The following ARHGEF3 variants were observed in gnomAD, a reference collection of about 807,000 sequenced individuals.
ARHGEF3 encodes the protein Rho guanine nucleotide exchange factor 3, also known as 59.8 kDA protein.
Under a neutral mutation model 63.2 loss-of-function variants are expected in ARHGEF3, and 28 were observed. That is an observed-to-expected ratio of 0.44 (90% confidence interval 0.33 to 0.61). The LOEUF (loss-of-function observed/expected upper bound fraction) is 0.61, where lower values mean the gene tolerates loss of function less well. Among genes scored for constraint, ARHGEF3 ranks in the 20% least tolerant of loss-of-function variants. The pLI is 0.03. For missense variants in ARHGEF3, 533 were observed against 659.3 expected (o/e 0.81, Z 2.10); for synonymous variants, 266 against 254.2 (o/e 1.05, Z -0.44).
At chr3:56,845,313 T>C (rs2039451694) in intron 4 of ARHGEF3, among the ~76,000 whole-genome samples, 1 of 152,234 alleles carries the variant, frequency 6.6e-6, no homozygotes, top group Non-Finnish European at 1.5e-5. Context: ...AATAAATGTG[T>C]GTTGTTTTAA....
chr3:56,973,261 C>T (rs993500883), intron 2 of ARHGEF3, among the ~76,000 whole-genome samples: 27 of 152,262 alleles, frequency 1.8e-4, no homozygotes, highest in African/African-American at 5.8e-4. Flanking sequence ...TCGTGATCCG[C>T]GCGCCTCGGC....
chr3:56,780,129 C>T (rs60584636), intron 1 of ARHGEF3, among the ~76,000 whole-genome samples: 7 of 151,820 alleles, frequency 4.6e-5, no homozygotes, highest in African/African-American at 1.4e-4. Flanking sequence ...CTGGACTATA[C>T]ACCTCTGCTT....
intron 1 of ARHGEF3, among the ~76,000 whole-genome samples, chr3:57,061,471 CT>C (rs1009709698): frequency 6.6e-6 from 1 of 152,158 alleles, no homozygotes; most frequent in Non-Finnish European, 1.5e-5. Flanking sequence ...CCAGAAATTC[CT>C]TCCTTTTTAA....
intron 3 of ARHGEF3, among the ~76,000 whole-genome samples, chr3:56,927,908 G>A (rs1371262528): frequency 6.6e-6 from 1 of 152,150 alleles, no homozygotes; most frequent in Admixed American, 6.5e-5. Context: ...AACAACCTGT[G>A]AATCAAAAAT....
intron 1 of ARHGEF3, among the ~76,000 whole-genome samples, chr3:56,788,562 A>G (rs926758193): frequency 7.9e-5 from 12 of 152,160 alleles, no homozygotes; most frequent in Admixed American, 7.9e-4. Flanking sequence ...CAAAGGATCT[A>G]TTTATAGTTA....
intron 4 of ARHGEF3, among the ~76,000 whole-genome samples, chr3:56,808,899 C>T (rs934195189): frequency 6.6e-6 from 1 of 152,176 alleles, no homozygotes. Flanking sequence ...CTTCCCATAA[C>T]AAAGAATTAG....
intron 3 of ARHGEF3, among the ~76,000 whole-genome samples, chr3:56,890,468 G>A (rs941631572): frequency 2.4e-4 from 37 of 152,282 alleles, no homozygotes; most frequent in Middle Eastern, 3.4e-3. Context: ...GGTTATTACC[G>A]TAATTACTAT....
intron 4 of ARHGEF3, among the ~76,000 whole-genome samples, chr3:56,827,539 T>C (rs1455359412): frequency 6.6e-6 from 1 of 152,000 alleles, no homozygotes; most frequent in Admixed American, 6.6e-5. Context: ...TAAATGCACA[T>C]GAATGCACTC....
chr3:57,062,742 C>A (rs996955193), intron 1 of ARHGEF3, among the ~76,000 whole-genome samples: 1 of 152,138 alleles, frequency 6.6e-6, no homozygotes, highest in Non-Finnish European at 1.5e-5. Context: ...CACACACATA[C>A]ATACACATAT....
chr3:57,078,877 A>C, intron 1 of ARHGEF3: 10 of 199,376 alleles, frequency 5.0e-5, no homozygotes, highest in East Asian at 2.1e-4. Context: ...GGCTCCGGGA[A>C]TTTTCGCTCA....
intron 6 of ARHGEF3, among the ~76,000 whole-genome samples, chr3:56,750,572 GTTTT>G (rs1028007098): frequency 6.7e-6 from 1 of 149,120 alleles, no homozygotes; most frequent in Non-Finnish European, 1.5e-5. Flanking sequence ...GGCCTAAAAA[GTTTT>G]TTTTAATATG....
intron 4 of ARHGEF3, among the ~76,000 whole-genome samples, chr3:56,859,082 A>AT (rs2039980180): frequency 6.6e-6 from 1 of 152,134 alleles, no homozygotes; most frequent in South Asian, 2.1e-4. Context: ...AGGGAAGAGT[A>AT]TTTTTATCAT....
At chr3:56,839,857 G>T (rs1309140220) in intron 4 of ARHGEF3, among the ~76,000 whole-genome samples, 1 of 151,990 alleles carries the variant, frequency 6.6e-6, no homozygotes, top group Non-Finnish European at 1.5e-5. Flanking sequence ...AGGAAGGGAG[G>T]GTCTGGTCCC....
intron 3 of ARHGEF3, among the ~76,000 whole-genome samples, chr3:56,945,092 T>G (rs573953806): frequency 1.3e-5 from 2 of 152,282 alleles, no homozygotes; most frequent in Admixed American, 1.3e-4. Flanking sequence ...AGTCAATCAA[T>G]GCAGCAAATG....
At chr3:57,010,813 C>T (rs1702666778) in intron 2 of ARHGEF3, among the ~76,000 whole-genome samples, 1 of 152,180 alleles carries the variant, frequency 6.6e-6, no homozygotes, top group South Asian at 2.1e-4. Flanking sequence ...GGCTGTTTTA[C>T]AAAATACACT....
chr3:56,770,893 C>G (rs1215495558), intron 2 of ARHGEF3, among the ~76,000 whole-genome samples: 1 of 152,096 alleles, frequency 6.6e-6, no homozygotes, highest in African/African-American at 2.4e-5. Context: ...AGGTGGATCA[C>G]TTTAGGTCAG....
At chr3:56,903,947 T>C (rs1350690051) in intron 3 of ARHGEF3, among the ~76,000 whole-genome samples, 1 of 152,150 alleles carries the variant, frequency 6.6e-6, no homozygotes, top group Non-Finnish European at 1.5e-5. Context: ...CACTGCAGCC[T>C]CAACCTCCTT....
intron 3 of ARHGEF3, among the ~76,000 whole-genome samples, chr3:56,904,222 G>A (rs1184355888): frequency 6.6e-6 from 1 of 151,848 alleles, no homozygotes; most frequent in Non-Finnish European, 1.5e-5. Context: ...TGGTAGAGAT[G>A]AGATTTGCCA....
At chr3:56,821,540 G>A (rs1053003985) in intron 4 of ARHGEF3, among the ~76,000 whole-genome samples, 1 of 152,182 alleles carries the variant, frequency 6.6e-6, no homozygotes, top group Non-Finnish European at 1.5e-5. Context: ...GAGGTTATAA[G>A]TGAAAATGGC....
Sources: gnomAD v4.1 joint callset for allele counts (sites outside exome capture counted in the v4.1 genomes callset) on GRCh38, gnomAD v4.1.1 for gene constraint, MANE v1.5 for transcripts, NCBI Gene and HGNC (gene_info 2026-07-23, HGNC 2026-07-21) for gene names.